The following TRPC7 variants were observed in gnomAD, a reference collection of about 807,000 sequenced individuals.
TRPC7 encodes the protein transient receptor potential cation channel subfamily C member 7, also known as short transient receptor potential channel 7.
In TRPC7, 42 loss-of-function variants were observed where a neutral mutation model predicts 90.1. That is an observed-to-expected ratio of 0.47 (90% CI 0.36 to 0.60). The LOEUF (loss-of-function observed/expected upper bound fraction) is 0.60, where lower values mean the gene tolerates loss of function less well. Ranked by LOEUF, TRPC7 falls within the 20% of genes least tolerant of loss-of-function variation. TRPC7 has a pLI of 0.00. For synonymous variants in TRPC7, 451 were observed against 436.3 expected (o/e 1.03, Z -0.42); for missense variants, 955 against 1,112.3 (o/e 0.86, Z 2.01).
At chr5:136,267,779 T>C (rs1757081758) in intron 4 of TRPC7, among the ~76,000 whole-genome samples, 1 of 152,220 alleles carries the variant, frequency 6.6e-6, no homozygotes, top group Non-Finnish European at 1.5e-5. Flanking sequence ...TTTTAAAAAA[T>C]ATCCAAGCAT....
intron 7 of TRPC7, among the ~76,000 whole-genome samples, chr5:136,242,044 AAAAGC>A (rs1353636647): frequency 1.3e-5 from 2 of 152,234 alleles, no homozygotes; most frequent in African/African-American, 4.8e-5. Context: ...ACGAACCTCC[AAAAGC>A]AAATCCTATT....
At chr5:136,305,202 T>C (rs1758570594) in intron 3 of TRPC7, among the ~76,000 whole-genome samples, 1 of 152,202 alleles carries the variant, frequency 6.6e-6, no homozygotes, top group Admixed American at 6.5e-5. Context: ...CTGACCCCCA[T>C]GACTGTATCT....
At chr5:136,228,860 C>A (rs75330093) in intron 8 of TRPC7, among the ~76,000 whole-genome samples, 1 of 152,172 alleles carries the variant, frequency 6.6e-6, no homozygotes, top group Non-Finnish European at 1.5e-5. Context: ...GGCTGTAATA[C>A]ACTCTCTGCA....
chr5:136,245,043 T>A (rs577376295), intron 7 of TRPC7, among the ~76,000 whole-genome samples: 4 of 152,392 alleles, frequency 2.6e-5, no homozygotes, highest in South Asian at 4.1e-4. Context: ...TTTCTTCTTA[T>A]TGGATCCTTA....
intron 10 of TRPC7, among the ~76,000 whole-genome samples, chr5:136,219,344 G>C (rs920160148): frequency 6.6e-6 from 1 of 152,230 alleles, no homozygotes; most frequent in Non-Finnish European, 1.5e-5. Flanking sequence ...GTCTTCTTGT[G>C]GAAGCAGAAT....
chr5:136,305,453 A>G (rs1758582997), intron 3 of TRPC7, among the ~76,000 whole-genome samples: 1 of 150,264 alleles, frequency 6.7e-6, no homozygotes, highest in South Asian at 2.1e-4. Flanking sequence ...CTATTCTACT[A>G]CTCCTCAGGG....
At chr5:136,279,171 C>A (rs1757464917) in intron 3 of TRPC7, among the ~76,000 whole-genome samples, 1 of 152,168 alleles carries the variant, frequency 6.6e-6, no homozygotes, top group African/African-American at 2.4e-5. Context: ...CAAAAATACT[C>A]TCTGCCACCT....
chr5:136,290,484 T>C (rs1313496485), intron 3 of TRPC7, among the ~76,000 whole-genome samples: 1 of 152,166 alleles, frequency 6.6e-6, no homozygotes, highest in African/African-American at 2.4e-5. Context: ...ATGAGAACTA[T>C]GTGACAAATG....
intron 2 of TRPC7, among the ~76,000 whole-genome samples, chr5:136,341,175 G>A (rs900485053): frequency 6.6e-6 from 1 of 152,130 alleles, no homozygotes; most frequent in Non-Finnish European, 1.5e-5. Context: ...ACATATTAAT[G>A]AGGTTTAATA....
At chr5:136,345,726 G>T (rs1759985936) in intron 2 of TRPC7, among the ~76,000 whole-genome samples, 1 of 152,098 alleles carries the variant, frequency 6.6e-6, no homozygotes, top group African/African-American at 2.4e-5. Flanking sequence ...TGTCAATTTT[G>T]GCTTTTGTTG....
intron 3 of TRPC7, among the ~76,000 whole-genome samples, chr5:136,286,088 A>G (rs1464059574): frequency 2.0e-5 from 3 of 152,240 alleles, no homozygotes; most frequent in Non-Finnish European, 4.4e-5. Flanking sequence ...TGTCCAGTAC[A>G]TAGTATAATT....
Position 136,213,589 on chromosome 5 carries a change from A to C in TRPC7, c.2435T>G (p.Ile812Ser), listed in dbSNP as rs1755162228. 6.2e-7 allele frequency: 1 copy of C among 1,613,842 alleles called. No individual in the cohort carries two copies. Among genetic ancestry groups the C allele is most frequent in the Non-Finnish European group, 8.5e-7 (1 of 1,179,908 alleles). ...DEVNEGELKE[I>S]KQDISSLRYE... Reference sequence around the variant, plus strand: ...GCGCAGGCTGGAGATATCTTGCTTGATTTCCTTCAGCTCGCCTGCAAGGAC... The same window carrying C: ...GCGCAGGCTGGAGATATCTTGCTTGCTTTCCTTCAGCTCGCCTGCAAGGAC... Residue 812 changes from isoleucine to serine, a missense_variant, in exon 12 of 12, where the codon ATC (isoleucine) becomes AGC (serine). Coordinates refer to ENST00000513104, the MANE Select transcript of TRPC7 (RefSeq NM_020389.3).
intron 3 of TRPC7, among the ~76,000 whole-genome samples, chr5:136,283,319 T>C (rs532130545): frequency 6.6e-6 from 1 of 152,344 alleles, no homozygotes; most frequent in East Asian, 1.9e-4. Flanking sequence ...TGCTCTCCGT[T>C]GCTCCTGTCT....
intron 3 of TRPC7, among the ~76,000 whole-genome samples, chr5:136,294,243 T>C (rs1344499677): frequency 6.6e-6 from 1 of 152,166 alleles, no homozygotes; most frequent in African/African-American, 2.4e-5. Flanking sequence ...AAGGACTTCA[T>C]GTCTAAAACA....
chr5:136,297,467 T>C (rs1041001058), intron 3 of TRPC7, among the ~76,000 whole-genome samples: 1 of 152,054 alleles, frequency 6.6e-6, no homozygotes, highest in Non-Finnish European at 1.5e-5. Context: ...GTGATAAGTA[T>C]ACTTACTGCA....
At chr5:136,264,592 T>TG (rs1265026984) in intron 5 of TRPC7, among the ~76,000 whole-genome samples, 1 of 151,968 alleles carries the variant, frequency 6.6e-6, no homozygotes, top group Non-Finnish European at 1.5e-5. Context: ...CTGTTTTTTT[T>TG]TTTGTTTGTT....
Position 136,354,069 on chromosome 5 carries a change from C to G in TRPC7, c.780+2539G>C, listed in dbSNP as rs866427469. ...GTGCAATTTTCCAGATAATCTGATC[C>G]AAAAAAATATTTTTTTGCTTGAATT... On this transcript the variant is annotated intron_variant, in intron 2 of 11. Coordinates refer to ENST00000513104, the MANE Select transcript of TRPC7 (RefSeq NM_020389.3). Among the ~76,000 whole-genome samples, 26 of 152,170 alleles carry G rather than the reference C, an allele frequency of 1.7e-4. No individual in the cohort carries two copies. In the Middle Eastern group the frequency reaches 0.014, roughly 80 times the overall value.
chr5:136,218,017 CA>C (rs546867748), intron 10 of TRPC7, among the ~76,000 whole-genome samples: 2,055 of 60,112 alleles, frequency 0.034, 40 homozygotes, highest in African/African-American at 0.099. Flanking sequence ...GACTCTAATT[CA>C]AAAAAAAAAA....
At position 136,343,936 on chromosome 5, in the gene TRPC7, C is replaced by T. The variant is rs554102133; in HGVS notation, c.780+12672G>A. Among the ~76,000 whole-genome samples, 3 of 151,948 alleles carry T rather than the reference C, an allele frequency of 2.0e-5. No individual in the cohort carries two copies. The South Asian group carries it at 6.2e-4, about 32-fold the overall frequency. ...GGGTAAAGCATTATTGTGTATATAC[C>T]CAAAGGAATATAAATCGTTCTACCA... is the stretch of plus-strand genomic sequence containing the variant. On this transcript the variant is annotated intron_variant, in intron 2 of 11. Transcript: ENST00000513104.
Sources: gnomAD v4.1 joint callset for allele counts (sites outside exome capture counted in the v4.1 genomes callset) on GRCh38, gnomAD v4.1.1 for gene constraint, MANE v1.5 for transcripts, NCBI Gene and HGNC (gene_info 2026-07-23, HGNC 2026-07-21) for gene names.